The following P3H2 variants were observed in gnomAD, a reference collection of about 807,000 sequenced individuals.
The protein encoded by P3H2 is leprecan-like 1.
In P3H2, 80 loss-of-function variants were observed where a neutral mutation model predicts 87.0. The observed-to-expected ratio is 0.92, with a 90% CI of 0.77 to 1.11. The LOEUF (loss-of-function observed/expected upper bound fraction) is 1.11, where lower values mean the gene tolerates loss of function less well. Ranked by LOEUF, P3H2 falls within the 50% of genes least tolerant of loss-of-function variation. The probability of loss-of-function intolerance (pLI) is 0.00; values close to 1 mark genes in which losing one functional copy is unlikely to be tolerated. For missense variants in P3H2, 1,001 were observed against 923.9 expected, an observed-to-expected ratio of 1.08 and a Z score of -1.08; for synonymous variants, 367 against 359.3, an observed-to-expected ratio of 1.02 and a Z score of -0.24.
intron 8 of P3H2, among the ~76,000 whole-genome samples, chr3:189,980,054 C>T (rs1041702181): frequency 2.0e-5 from 3 of 152,154 alleles, no homozygotes; most frequent in Admixed American, 6.5e-5. Flanking sequence ...TTCCATATCA[C>T]GCATGTTTCA....
intron 1 of P3H2, among the ~76,000 whole-genome samples, chr3:190,048,855 T>G (rs1725886419): frequency 6.6e-6 from 1 of 152,174 alleles, no homozygotes; most frequent in Admixed American, 6.5e-5. Flanking sequence ...AAAGGGACTC[T>G]CCTTGCTGTC....
At chr3:189,958,539 A>C (rs148300487) in intron 14 of P3H2, among the ~76,000 whole-genome samples, 110 of 151,210 alleles carry the variant, frequency 7.3e-4, no homozygotes, top group Admixed American at 1.2e-3. Context: ...TTTAGACCAG[A>C]TAATTATTTG....
chr3:189,969,978 C>A, intron 13 of P3H2: 1 of 617,504 alleles, frequency 1.6e-6, no homozygotes, highest in Non-Finnish European at 3.0e-6. Flanking sequence ...TGCTCTTTGG[C>A]TTGAAGACCA....
chr3:190,081,967 C>T (rs1727057920), intron 1 of P3H2, among the ~76,000 whole-genome samples: 1 of 152,146 alleles, frequency 6.6e-6, no homozygotes, highest in South Asian at 2.1e-4. Context: ...ATGGCCTTAG[C>T]TTGTGGCCGG....
rs976247399 is a variant in P3H2, at chr3:190,014,347, C to T, written c.481-18905G>A. ...GATAGGTGATCCACAGGTATGGCTA[C>T]GTGAGAAGCATATCATTTAGGAGAG... On this transcript the variant is annotated intron_variant, in intron 1 of 14. Transcript: ENST00000319332. 3.9e-5 allele frequency among the ~76,000 whole-genome samples: 6 copies of T among 152,178 alleles called. No homozygotes were observed. The South Asian group carries it at 6.2e-4, about 16-fold the overall frequency.
intron 1 of P3H2, among the ~76,000 whole-genome samples, chr3:190,066,008 T>C (rs937743863): frequency 2.6e-5 from 4 of 152,072 alleles, no homozygotes; most frequent in Non-Finnish European, 5.9e-5. Context: ...TGTATTTGCA[T>C]GGTTTTGAAG....
Position 190,067,365 on chromosome 3 carries a change from A to G in P3H2, c.480+52887T>C, listed in dbSNP as rs367675157. Among the ~76,000 whole-genome samples, 350 of 152,292 alleles carry G rather than the reference A, an allele frequency of 2.3e-3. 1 individual carries two copies. Among genetic ancestry groups the G allele is most frequent in the South Asian group, 0.011 (52 of 4,826 alleles). Reference sequence around the variant, plus strand: ...TCATGTACCCAGGAACTTGAGCTCCATGTTTCTTCCACAGAAGCAAAGAGA... The same window carrying G: ...TCATGTACCCAGGAACTTGAGCTCCGTGTTTCTTCCACAGAAGCAAAGAGA... On this transcript the variant is annotated intron_variant, in intron 1 of 14. Coordinates refer to ENST00000319332, the MANE Select transcript of P3H2 (RefSeq NM_018192.4).
chr3:189,977,297 T>C (rs989678469), intron 8 of P3H2, among the ~76,000 whole-genome samples: 62 of 152,332 alleles, frequency 4.1e-4, no homozygotes, highest in Non-Finnish European at 7.9e-4. Flanking sequence ...GTCTCTTGCC[T>C]TCTCCGCTGC....
intron 1 of P3H2, among the ~76,000 whole-genome samples, chr3:190,005,730 A>G (rs575334968): frequency 6.6e-6 from 1 of 152,346 alleles, no homozygotes; most frequent in East Asian, 1.9e-4. Context: ...CACTCATTTC[A>G]GCTCATGCAA....
chr3:190,031,912 G>A (rs368622398), intron 1 of P3H2, among the ~76,000 whole-genome samples: 50 of 152,180 alleles, frequency 3.3e-4, no homozygotes, highest in African/African-American at 1.1e-3. Flanking sequence ...AGACTAAAAA[G>A]ACAACAATTA....
Position 190,001,079 on chromosome 3 carries a change from A to C in P3H2, c.481-5637T>G, listed in dbSNP as rs190257823. The stretch of plus-strand genomic sequence containing the variant: ...CGTCTATTTTGCCCATCCTTGCTCT[A>C]ACAATGTTTCTCAATTCAGAAGGCA... On this transcript the variant is annotated intron_variant, in intron 1 of 14. Transcript: ENST00000319332. 2.0e-5 allele frequency among the ~76,000 whole-genome samples: 3 copies of C among 152,258 alleles called. No individual in the cohort carries two copies. The South Asian group carries it at 6.2e-4, about 32-fold the overall frequency.
Position 189,987,673 on chromosome 3 carries a change from A to G in P3H2, c.956-4T>C, listed in dbSNP as rs1013174789. On this transcript the variant is annotated splice_polypyrimidine_tract_variant and splice_region_variant and intron_variant, in intron 4 of 14. Transcript: ENST00000319332. ...AGGGCTTTCACATACTCACCAACTG[A>G]AAGACAAAGGAGTTGCAGCATTAGA... is the stretch of plus-strand genomic sequence containing the variant. 1.2e-6 allele frequency: 2 copies of G among 1,613,880 alleles called. No individual in the cohort carries two copies. The highest frequency in any genetic ancestry group is 1.7e-5 in the Admixed American group (1 of 59,996).
chr3:190,023,629 G>A (rs1045492352), intron 1 of P3H2, among the ~76,000 whole-genome samples: 4 of 152,158 alleles, frequency 2.6e-5, no homozygotes, highest in Admixed American at 1.3e-4. Context: ...CATGGGCGGC[G>A]GGGATTATGG....
chr3:190,038,953 G>A (rs1004326578), intron 1 of P3H2, among the ~76,000 whole-genome samples: 2 of 152,218 alleles, frequency 1.3e-5, no homozygotes, highest in Non-Finnish European at 2.9e-5. Flanking sequence ...ACTTTGGGAA[G>A]CCAAGGCGGG....
rs116398570 is a variant in P3H2 at position 190,034,326 on chromosome 3, A to C, written c.481-38884T>G. 6.8e-3 allele frequency among the ~76,000 whole-genome samples: 1,041 copies of C among 152,348 alleles called. 9 individuals are homozygous for C. Among genetic ancestry groups the C allele is most frequent in the African/African-American group, 0.024 (1,011 of 41,588 alleles). ...CACTTTTGGTGGTAGTACTTTCTCTAGGCATATTAGGTATAATCTTTAAGC... is the reference window on the plus strand; with the variant it reads ...CACTTTTGGTGGTAGTACTTTCTCTCGGCATATTAGGTATAATCTTTAAGC... On this transcript the variant is annotated intron_variant, in intron 1 of 14. Coordinates refer to ENST00000319332, the MANE Select transcript of P3H2 (RefSeq NM_018192.4).
rs150411316 is a variant in P3H2, at chr3:190,113,796, G to C, written c.480+6456C>G. Among the ~76,000 whole-genome samples, 35 of 152,310 alleles carry C rather than the reference G, an allele frequency of 2.3e-4. 1 individual carries two copies. The highest frequency in any genetic ancestry group is 7.7e-4 in the African/African-American group (32 of 41,586). On this transcript the variant is annotated intron_variant, in intron 1 of 14. Transcript: ENST00000319332. ...TTTATTAATTTCCATTGTTAAAGGA[G>C]GCCGGGCGCAGTGGCTCGCGCCTGT...
intron 3 of P3H2, among the ~76,000 whole-genome samples, chr3:189,989,878 C>A (rs909859556): frequency 1.3e-5 from 2 of 152,148 alleles, no homozygotes; most frequent in Non-Finnish European, 2.9e-5. Context: ...TGAGGAAACA[C>A]AAGTGGTGAA....
At chr3:190,017,621 C>T (rs1318425756) in intron 1 of P3H2, among the ~76,000 whole-genome samples, 1 of 152,170 alleles carries the variant, frequency 6.6e-6, no homozygotes, top group Admixed American at 6.5e-5. Flanking sequence ...ATGTGTTTGC[C>T]ATCGAGCCAC....
intron 1 of P3H2, among the ~76,000 whole-genome samples, chr3:190,054,313 A>G (rs750382426): frequency 6.6e-6 from 1 of 152,188 alleles, no homozygotes; most frequent in Admixed American, 6.5e-5. Flanking sequence ...TTGCAGGGCA[A>G]CTAGCCTGGT....
Sources: allele counts gnomAD v4.1 joint callset (sites outside exome capture counted in the v4.1 genomes callset), GRCh38; gene constraint gnomAD v4.1.1; transcripts MANE v1.5; gene names NCBI Gene and HGNC (gene_info 2026-07-23, HGNC 2026-07-21).